RNASEH2B: variants seen among roughly 807,000 people sequenced by gnomAD.
RNASEH2B encodes Aicardi-Goutieres syndrome 2 protein.
RNASEH2B carries 36 observed loss-of-function variants against 45.0 expected under a neutral mutation model. The ratio of observed to expected loss-of-function variants is 0.80; its 90% CI spans 0.61 to 1.06. RNASEH2B has a LOEUF of 1.06. Ranked by LOEUF, RNASEH2B falls within the 50% of genes least tolerant of loss-of-function variation. The pLI is 0.00. For synonymous variants in RNASEH2B, 119 were observed against 125.7 expected (o/e 0.95, Z 0.35); for missense variants, 361 against 360.3 (o/e 1.00, Z -0.02).
intron 9 of RNASEH2B, among the ~76,000 whole-genome samples, chr13:50,965,616 G>A (rs184642785): frequency 1.3e-5 from 2 of 152,348 alleles, no homozygotes; most frequent in African/African-American, 2.4e-5. Context: ...TTCAAGAGTC[G>A]TTCTGAGAAT....
intron 1 of RNASEH2B, among the ~76,000 whole-genome samples, chr13:50,918,339 G>A (rs139533055): frequency 0.023 from 3,483 of 152,214 alleles, 62 homozygotes; most frequent in African/African-American, 0.044. Context: ...GGGTTTCACT[G>A]TGTTAACCAG....
Position 50,943,390 on chromosome 13 carries a change from A to G in RNASEH2B, c.506A>G (p.Lys169Arg), listed in dbSNP as rs760884054. The G allele has an allele frequency of 6.2e-7, 1 of 1,600,914 alleles. No individual in the cohort carries two copies. The highest frequency in any genetic ancestry group is 8.6e-7 in the Non-Finnish European group (1 of 1,168,062). The change falls in exon 6 of 11, where the codon AAA becomes AGA. Residue 169 changes from lysine (K) to arginine (R), a missense_variant. Physicochemically the swap from Lys to Arg is conservative, Grantham distance 26. Transcript: ENST00000336617. ...GAGAAGACATTAAAGTGGCTGGAAAAAAAGGTATAGTTCCTCTCTAGTGCC... is the reference window on the plus strand; with the variant it reads ...GAGAAGACATTAAAGTGGCTGGAAAGAAAGGTATAGTTCCTCTCTAGTGCC... ...SKEKTLKWLEKKVNQTVAALK... is the reference protein window; with the variant it reads ...SKEKTLKWLERKVNQTVAALK...
intron 6 of RNASEH2B, 134 bp from the exon 7 acceptor site, chr13:50,945,293 T>C (rs1951885858): frequency 1.8e-5 from 12 of 679,720 alleles, no homozygotes; most frequent in South Asian, 1.7e-4. Context: ...TTCTGGTGTC[T>C]GGTGAAGATA....
At position 50,956,699 on chromosome 13, in the gene RNASEH2B, A is replaced by C. The variant is rs1952056151; in HGVS notation, c.*225A>C. ...AGTCTCATCTGACATAATGAAAAGT[A>C]ATCACTTGAAGAGAATTAACATATA... is the stretch of plus-strand genomic sequence containing the variant. On this transcript the variant is annotated 3_prime_UTR_variant, in exon 11 of 11. Coordinates refer to ENST00000336617, the MANE Select transcript of RNASEH2B (RefSeq NM_024570.4). 1.6e-6 allele frequency: 2 copies of C among 1,273,146 alleles called. No individual in the cohort carries two copies. Among genetic ancestry groups the C allele is most frequent in the Non-Finnish European group, 2.0e-6 (2 of 998,562 alleles). 78.9% of individuals were successfully genotyped at this position (1,273,146 alleles called of 1,614,324 possible). A position where few individuals can be genotyped will look rare whatever the true frequency, so the allele number is the denominator to read the frequency against.
At chr13:50,947,041 A>G (rs372659329) in intron 7 of RNASEH2B, among the ~76,000 whole-genome samples, 4 of 152,142 alleles carry the variant, frequency 2.6e-5, no homozygotes, top group South Asian at 2.1e-4. Flanking sequence ...GTCATTTTCT[A>G]TGTAATACTG....
At chr13:50,940,113 G>T (rs766076365) in intron 5 of RNASEH2B, among the ~76,000 whole-genome samples, 4 of 152,130 alleles carry the variant, frequency 2.6e-5, no homozygotes, top group Non-Finnish European at 5.9e-5. Flanking sequence ...CAACAAAATG[G>T]ATGAATCTCA....
At chr13:50,924,105 G>A (rs1951558896) in intron 1 of RNASEH2B, among the ~76,000 whole-genome samples, 1 of 152,084 alleles carries the variant, frequency 6.6e-6, no homozygotes, top group Admixed American at 6.5e-5. Context: ...ACAGTAATAG[G>A]GGAATCCAAA....
downstream of RNASEH2B, among the ~76,000 whole-genome samples, chr13:50,957,311 A>G (rs1952065109): frequency 6.6e-6 from 1 of 152,090 alleles, no homozygotes; most frequent in African/African-American, 2.4e-5. Flanking sequence ...ATTTGTACCC[A>G]ATGTTTAGCT....
intron 9 of RNASEH2B, 129 bp downstream of exon 9, chr13:50,949,634 G>A: frequency 1.2e-6 from 1 of 810,366 alleles, no homozygotes; most frequent in Middle Eastern, 2.4e-4. Context: ...GATGCCATGT[G>A]GAATAAAGAT....
At chr13:50,948,233 G>GAAA in intron 8 of RNASEH2B, 165 bp downstream of exon 8, 1 of 1,092,124 alleles carries the variant, frequency 9.2e-7, no homozygotes. Context: ...ATGGATGATT[G>GAAA]GAATGAACTG....
At chr13:50,953,868 T>A in intron 9 of RNASEH2B, 37 bp from the exon 10 acceptor site, 1 of 1,339,438 alleles carries the variant, frequency 7.5e-7, no homozygotes, top group Non-Finnish European at 1.1e-6. Flanking sequence ...TGTGTCAAAG[T>A]GACATTTGAC....
intron 6 of RNASEH2B, among the ~76,000 whole-genome samples, chr13:50,944,917 A>T (rs1420820660): frequency 6.6e-6 from 1 of 152,242 alleles, no homozygotes; most frequent in Non-Finnish European, 1.5e-5. Flanking sequence ...GTTTATACTT[A>T]CTGATTATAT....
chr13:50,930,726 G>T lies in RNASEH2B; in HGVS notation c.288G>T (p.Leu96=). Residue 96 remains leucine (L), a synonymous_variant, in exon 4 of 11, where the codon CTG becomes CTT. Coordinates refer to ENST00000336617, the MANE Select transcript of RNASEH2B (RefSeq NM_024570.4). ...HFATPVDPLF[L]LLHYLIKADK... ...CCACACCTGTGGATCCTCTATTTCT[G>T]CTTCTCCACTACCTCATAAAGGCTG... 6.2e-7 allele frequency: 1 copy of T among 1,613,808 alleles called. No homozygotes were observed. The highest frequency in any genetic ancestry group is 8.5e-7 in the Non-Finnish European group (1 of 1,179,772).
intron 8 of RNASEH2B, 109 bp from the exon 9 acceptor site, chr13:50,949,354 A>C (rs567835215): frequency 4.4e-6 from 4 of 906,606 alleles, no homozygotes; most frequent in South Asian, 2.7e-5. Context: ...TATGGAGGTA[A>C]AGCTGTAAGT....
intron 5 of RNASEH2B, chr13:50,940,890 A>G (rs1426308567): frequency 6.6e-6 from 1 of 152,190 alleles, no homozygotes; most frequent in Non-Finnish European, 1.5e-5. Context: ...GTGCAGACCT[A>G]GTGATCTTGG....
At chr13:50,919,362 T>A (rs1951487607) in intron 1 of RNASEH2B, among the ~76,000 whole-genome samples, 1 of 152,236 alleles carries the variant, frequency 6.6e-6, no homozygotes, top group African/African-American at 2.4e-5. Context: ...ACGTGCTGTG[T>A]AACCTAACTT....
intron 3 of RNASEH2B, among the ~76,000 whole-genome samples, 182 bp from the exon 4 acceptor site, chr13:50,930,501 C>G (rs1951664318): frequency 6.6e-6 from 1 of 152,174 alleles, no homozygotes. Flanking sequence ...AGTAAAATCT[C>G]ATAGAGCACA....
rs146801409 is a variant in RNASEH2B at position 50,932,361 on chromosome 13, A to G, written c.321+1602A>G. ...ACCTCACTTTCATCACAGATAATTT[A>G]CAAGACTTGTGTTCAAGGGCCAAGA... is the stretch of plus-strand genomic sequence containing the variant. On this transcript the variant is annotated intron_variant, in intron 4 of 10. Coordinates refer to ENST00000336617, the MANE Select transcript of RNASEH2B (RefSeq NM_024570.4). Among the ~76,000 whole-genome samples the G allele has an allele frequency of 2.7e-3, 410 of 152,332 alleles. 1 individual carries two copies. The highest frequency in any genetic ancestry group is 8.9e-3 in the African/African-American group (372 of 41,582).
chr13:50,954,230 A>G (rs1364819074), intron 10 of RNASEH2B: 2 of 606,104 alleles, frequency 3.3e-6, no homozygotes, highest in South Asian at 2.0e-5. Context: ...AAATTTTGCT[A>G]TGTATTCATA....
Sources: allele counts gnomAD v4.1 joint callset (sites outside exome capture counted in the v4.1 genomes callset), GRCh38; gene constraint gnomAD v4.1.1; transcripts MANE v1.5; gene names NCBI Gene and HGNC (gene_info 2026-07-23, HGNC 2026-07-21).